ZNF536: variants seen among roughly 807,000 people sequenced by gnomAD.
ZNF536 encodes zinc finger protein 536.
In ZNF536, 13 loss-of-function variants were observed where a neutral mutation model predicts 84.5. The observed-to-expected ratio is 0.15, with a 90% CI of 0.10 to 0.24. ZNF536 has a LOEUF of 0.24. Among genes scored for constraint, ZNF536 ranks in the 10% least tolerant of loss-of-function variants. The probability of loss-of-function intolerance (pLI) is 1.00; values close to 1 mark genes in which losing one functional copy is unlikely to be tolerated. For missense variants in ZNF536, 1,536 were observed against 1,747.5 expected (o/e 0.88, Z 2.16); for synonymous variants, 811 against 742.5 (o/e 1.09, Z -1.50).
chr19:30,416,131 T>C (rs2050721053), intron 1 of ZNF536, among the ~76,000 whole-genome samples: 1 of 152,204 alleles, frequency 6.6e-6, no homozygotes, highest in African/African-American at 2.4e-5. Context: ...TTAAAGAAAA[T>C]ATATGCAATC....
intron 1 of ZNF536, among the ~76,000 whole-genome samples, chr19:30,263,782 T>A (rs2025349891): frequency 6.6e-6 from 1 of 152,108 alleles, no homozygotes; most frequent in Admixed American, 6.6e-5. Flanking sequence ...GTTTTCTATC[T>A]CTAGGTTAAA....
intron 1 of ZNF536, among the ~76,000 whole-genome samples, chr19:30,381,833 A>G (rs914510512): frequency 6.6e-6 from 1 of 152,178 alleles, no homozygotes. Flanking sequence ...GGAGCGATCT[A>G]TGTGGTTCTG....
At chr19:30,401,393 C>T (rs953987879) in intron 1 of ZNF536, among the ~76,000 whole-genome samples, 2 of 152,092 alleles carry the variant, frequency 1.3e-5, no homozygotes, top group Non-Finnish European at 2.9e-5. Flanking sequence ...GGTTAGACTC[C>T]CCATGTCCCA....
chr19:30,680,234 T>TTTTTA (rs10677137), intron 1 of ZNF536, among the ~76,000 whole-genome samples: 133,555 of 148,074 alleles, frequency 0.9, 60,335 homozygotes, highest in South Asian at 0.96. Context: ...ATGATTATTA[T>TTTTTA]TTTTATTTTA....
chr19:30,382,813 A>G (rs1600483196), intron 1 of ZNF536, among the ~76,000 whole-genome samples: 1 of 152,132 alleles, frequency 6.6e-6, no homozygotes, highest in Admixed American at 6.5e-5. Flanking sequence ...GGCGGCTCTG[A>G]CTTCTGAAGC....
At chr19:30,249,564 G>C (rs944166203) in intron 1 of ZNF536, among the ~76,000 whole-genome samples, 9 of 152,252 alleles carry the variant, frequency 5.9e-5, no homozygotes, top group African/African-American at 1.9e-4. Context: ...ATGCAAAAAG[G>C]ATCACTTGAG....
intron 2 of ZNF536, among the ~76,000 whole-genome samples, chr19:30,335,978 C>A (rs1233185617): frequency 6.6e-6 from 1 of 152,084 alleles, no homozygotes; most frequent in Non-Finnish European, 1.5e-5. Context: ...AGATGTGAGA[C>A]CCCAAGAAGC....
chr19:30,508,784 G>A (rs2055276326), intron 2 of ZNF536, among the ~76,000 whole-genome samples: 1 of 150,712 alleles, frequency 6.6e-6, no homozygotes, highest in African/African-American at 2.4e-5. Context: ...TGTGGGTGTG[G>A]GCACCGTGGT....
At chr19:30,585,385 T>G (rs1451721781) in intron 1 of ZNF536, among the ~76,000 whole-genome samples, 1 of 152,084 alleles carries the variant, frequency 6.6e-6, no homozygotes, top group Non-Finnish European at 1.5e-5. Context: ...GGATGAATAG[T>G]AGATGGATGG....
intron 2 of ZNF536, among the ~76,000 whole-genome samples, chr19:30,451,344 C>T (rs572077529): frequency 1.3e-5 from 2 of 152,238 alleles, no homozygotes; most frequent in African/African-American, 2.4e-5. Context: ...CGGATGCCTA[C>T]CAGCAGTTTC....
At chr19:30,583,460 T>C (rs1470288585) in intron 1 of ZNF536, among the ~76,000 whole-genome samples, 2 of 152,192 alleles carry the variant, frequency 1.3e-5, no homozygotes, top group Non-Finnish European at 2.9e-5. Flanking sequence ...CTACACTTTA[T>C]TGGGAGAAGG....
chr19:30,312,600 T>C (rs117661956), intron 2 of ZNF536, among the ~76,000 whole-genome samples: 4,868 of 152,314 alleles, frequency 0.032, 86 homozygotes, highest in Non-Finnish European at 0.047. Flanking sequence ...TTACAAAGTA[T>C]TTTCTGTCTT....
intron 1 of ZNF536, among the ~76,000 whole-genome samples, chr19:30,594,884 C>T (rs758313910): frequency 1.3e-5 from 2 of 152,110 alleles, no homozygotes; most frequent in Non-Finnish European, 2.9e-5. Context: ...GAGGCACCCC[C>T]TCTCCTGGAA....
intron 1 of ZNF536, among the ~76,000 whole-genome samples, chr19:30,264,966 T>TGTGTGTGAGAGAGAGA (rs59889852): frequency 0.015 from 1,969 of 133,804 alleles, 34 homozygotes; most frequent in Non-Finnish European, 0.017. Flanking sequence ...TGTGTGTGTG[T>TGTGTGTGAGAGAGAGA]GAGAGAGAGA....
chr19:30,497,183 A>G (rs1335891634), intron 2 of ZNF536, among the ~76,000 whole-genome samples: 2 of 152,102 alleles, frequency 1.3e-5, no homozygotes, highest in Admixed American at 1.3e-4. Context: ...GTGTGTATTT[A>G]AGGGCCCCGT....
intron 2 of ZNF536, among the ~76,000 whole-genome samples, chr19:30,514,423 G>A (rs1298272518): frequency 1.3e-5 from 2 of 152,042 alleles, no homozygotes; most frequent in Non-Finnish European, 2.9e-5. Context: ...GTGTCTGGAA[G>A]CCAGAACCCC....
intron 1 of ZNF536, among the ~76,000 whole-genome samples, chr19:30,399,420 T>C (rs1278452159): frequency 1.3e-5 from 2 of 152,176 alleles, no homozygotes; most frequent in Non-Finnish European, 2.9e-5. Context: ...TTTAGTTTAA[T>C]TAGATCCCAT....
upstream of ZNF536, among the ~76,000 whole-genome samples, chr19:30,226,392 G>A (rs2022614595): frequency 6.6e-6 from 1 of 151,310 alleles, no homozygotes; most frequent in South Asian, 2.1e-4. The surrounding 1 kb of genome is among the most constrained non-coding windows in gnomAD (Gnocchi z 4.6). Context: ...AGGGTAATTT[G>A]CAACCTTTTT....
intron 1 of ZNF536, among the ~76,000 whole-genome samples, chr19:30,647,569 G>A (rs1021387974): frequency 4.6e-5 from 7 of 152,132 alleles, no homozygotes; most frequent in African/African-American, 9.7e-5. Flanking sequence ...ATCTGCTTTC[G>A]TCTTCCCTTT....
Sources: gnomAD v4.1 joint callset for allele counts (sites outside exome capture counted in the v4.1 genomes callset) on GRCh38, gnomAD v4.1.1 for gene constraint, Gnocchi (gnomAD v3.1) non-coding constraint, MANE v1.5 for transcripts, NCBI Gene and HGNC (gene_info 2026-07-23, HGNC 2026-07-21) for gene names.